PTPRG: variants seen among roughly 807,000 people sequenced by gnomAD.
The protein encoded by PTPRG is receptor-type tyrosine-protein phosphatase gamma.
In PTPRG, 102 loss-of-function variants were observed where a neutral mutation model predicts 165.3. The ratio of observed to expected loss-of-function variants is 0.62; its 90% CI spans 0.53 to 0.73. PTPRG has a LOEUF of 0.73. PTPRG is among the 30% of genes least tolerant of loss of function. The probability of loss-of-function intolerance (pLI) is 0.00; values close to 1 mark genes in which losing one functional copy is unlikely to be tolerated. For missense variants in PTPRG, 1,866 were observed against 1,861.4 expected, an observed-to-expected ratio of 1.00 and a Z score of -0.05; for synonymous variants, 675 against 669.5, an observed-to-expected ratio of 1.01 and a Z score of -0.13.
intron 2 of PTPRG, among the ~76,000 whole-genome samples, chr3:61,914,952 T>C (rs1191143963): frequency 6.6e-6 from 1 of 152,196 alleles, no homozygotes; most frequent in African/African-American, 2.4e-5. Context: ...TTAAGTGGGC[T>C]GGGTGCGGTG....
intron 2 of PTPRG, among the ~76,000 whole-genome samples, chr3:61,862,911 A>G (rs890736179): frequency 6.6e-6 from 1 of 152,206 alleles, no homozygotes; most frequent in African/African-American, 2.4e-5. Context: ...TGGGCATGAC[A>G]TTTAACTTTG....
chr3:61,954,658 A>T (rs1018761853), intron 2 of PTPRG, among the ~76,000 whole-genome samples: 6 of 152,144 alleles, frequency 3.9e-5, no homozygotes, highest in African/African-American at 1.2e-4. Flanking sequence ...TAAGGTGAAG[A>T]TTTGTCAGAC....
chr3:61,927,220 ATATT>A (rs1192806372), intron 2 of PTPRG, among the ~76,000 whole-genome samples: 5 of 152,154 alleles, frequency 3.3e-5, no homozygotes, highest in African/African-American at 1.2e-4. Flanking sequence ...TCCCAGCTAT[ATATT>A]CTCCACAAAA....
chr3:61,610,008 A>T (rs1428403465), intron 1 of PTPRG, among the ~76,000 whole-genome samples: 2 of 149,160 alleles, frequency 1.3e-5, no homozygotes, highest in African/African-American at 5.0e-5. Flanking sequence ...CACACTTTAA[A>T]ATGTTTTTAT....
chr3:61,921,627 A>C (rs570685699), intron 2 of PTPRG, among the ~76,000 whole-genome samples: 1 of 152,222 alleles, frequency 6.6e-6, no homozygotes, highest in African/African-American at 2.4e-5. Context: ...GACTATATGC[A>C]TATATAAGGT....
chr3:61,996,253 T>C (rs1199894501), intron 3 of PTPRG, among the ~76,000 whole-genome samples: 1 of 152,214 alleles, frequency 6.6e-6, no homozygotes, highest in Non-Finnish European at 1.5e-5. Flanking sequence ...AATACATGAA[T>C]GATTCCCCAA....
chr3:61,854,072 G>T (rs1419061856), intron 2 of PTPRG, among the ~76,000 whole-genome samples: 1 of 152,216 alleles, frequency 6.6e-6, no homozygotes, highest in Non-Finnish European at 1.5e-5. Flanking sequence ...CTGTTTGAGA[G>T]TGCAGCCAGC....
intron 2 of PTPRG, among the ~76,000 whole-genome samples, chr3:61,781,851 C>T (rs1391300367): frequency 6.6e-6 from 1 of 150,734 alleles, no homozygotes; most frequent in Non-Finnish European, 1.5e-5. Context: ...CCTCAGCCTC[C>T]CAAGTAGCTG....
At chr3:62,166,558 A>G (rs1576085762) in intron 7 of PTPRG, among the ~76,000 whole-genome samples, 1 of 151,072 alleles carries the variant, frequency 6.6e-6, no homozygotes, top group East Asian at 2.0e-4. Context: ...CTGGTCTCGA[A>G]CTCCTGACCT....
rs755712565 is a variant in PTPRG, at chr3:62,275,967, G to T, written c.3559+1G>T. The stretch of plus-strand genomic sequence containing the variant: ...AACAGAAACTCTTCAGTTGTGCCAT[G>T]TAAGACTTTAAAACAGTTTGTTAGT... On this transcript the variant is annotated splice_donor_variant, in intron 24 of 29. Transcript: ENST00000474889. LOFTEE classifies it high-confidence loss of function. 3 of 1,598,834 alleles carry T rather than the reference G, an allele frequency of 1.9e-6. No homozygotes were observed. The highest frequency in any genetic ancestry group is 1.3e-5 in the African/African-American group (1 of 74,550).
chr3:61,773,616 A>C (rs1012891775), intron 2 of PTPRG, among the ~76,000 whole-genome samples: 1 of 152,170 alleles, frequency 6.6e-6, no homozygotes, highest in Non-Finnish European at 1.5e-5. Context: ...GAGTATGATT[A>C]CTGCTGTTAT....
At chr3:62,145,162 G>A (rs1451813362) in intron 6 of PTPRG, among the ~76,000 whole-genome samples, 2 of 152,188 alleles carry the variant, frequency 1.3e-5, no homozygotes, top group Non-Finnish European at 2.9e-5. Context: ...TAGTGGGTTT[G>A]AAATCCAGTT....
intron 1 of PTPRG, among the ~76,000 whole-genome samples, chr3:61,706,692 G>A (rs1559566141): frequency 1.3e-5 from 2 of 152,090 alleles, no homozygotes; most frequent in Admixed American, 6.5e-5. Context: ...GTTTCACCAT[G>A]TTGGCCAGGC....
At chr3:61,949,564 A>G (rs530368843) in intron 2 of PTPRG, among the ~76,000 whole-genome samples, 10 of 152,278 alleles carry the variant, frequency 6.6e-5, no homozygotes, top group African/African-American at 2.2e-4. Flanking sequence ...CCTGGAAAAC[A>G]GTATTGTCCT....
chr3:62,221,128 A>G (rs1360185825), intron 13 of PTPRG, among the ~76,000 whole-genome samples: 1 of 152,252 alleles, frequency 6.6e-6, no homozygotes. Flanking sequence ...CCTTTAGAAA[A>G]TGACAACTGT....
chr3:61,829,332 C>G (rs1247082627), intron 2 of PTPRG, among the ~76,000 whole-genome samples: 1 of 152,258 alleles, frequency 6.6e-6, no homozygotes, highest in Non-Finnish European at 1.5e-5. Flanking sequence ...TTATTTATCA[C>G]AAACGTGCAC....
chr3:62,184,888 A>AG (rs61110221), intron 8 of PTPRG, among the ~76,000 whole-genome samples: 2,072 of 152,234 alleles, frequency 0.014, 32 homozygotes, highest in African/African-American at 0.047. Flanking sequence ...TGAAACTCCG[A>AG]GGGGGCAGGT....
At chr3:61,869,538 C>T (rs2037501895) in intron 2 of PTPRG, among the ~76,000 whole-genome samples, 1 of 151,946 alleles carries the variant, frequency 6.6e-6, no homozygotes, top group Non-Finnish European at 1.5e-5. Flanking sequence ...GTCCAGAATC[C>T]CTGGATGCCA....
At chr3:61,988,817 C>T (rs1050438054) in intron 2 of PTPRG, among the ~76,000 whole-genome samples, 3 of 152,192 alleles carry the variant, frequency 2.0e-5, no homozygotes, top group Non-Finnish European at 4.4e-5. Flanking sequence ...ATAGAAACTG[C>T]TCCCATAATA....
Sources: allele counts gnomAD v4.1 joint callset (sites outside exome capture counted in the v4.1 genomes callset), GRCh38; gene constraint gnomAD v4.1.1; transcripts MANE v1.5; gene names NCBI Gene and HGNC (gene_info 2026-07-23, HGNC 2026-07-21).